The following NCOR1 variants were observed in gnomAD, a reference collection of about 807,000 sequenced individuals.
NCOR1 encodes the protein protein phosphatase 1, regulatory subunit 109.
In NCOR1, 63 loss-of-function variants were observed where a neutral mutation model predicts 288.1. That is an observed-to-expected ratio of 0.22 (90% CI 0.18 to 0.27). The LOEUF (loss-of-function observed/expected upper bound fraction) is 0.27, where lower values mean the gene tolerates loss of function less well. Ranked by LOEUF, NCOR1 falls within the 10% of genes least tolerant of loss-of-function variation. The probability of loss-of-function intolerance (pLI) is 1.00; values close to 1 mark genes in which losing one functional copy is unlikely to be tolerated. For missense variants in NCOR1, 2,397 were observed against 3,019.2 expected (o/e 0.79, Z 4.83); for synonymous variants, 1,007 against 1,065.9 (o/e 0.94, Z 1.08).
chr17:16,101,562 G>A lies in NCOR1; in HGVS notation c.2378C>T (p.Ala793Val), dbSNP rs2152996543. ...QVNDSISAET[A>V]EQMDVDQQEH... ...CTGCTGATCTACATCCATCTGCTCT[G>A]CTGTCTCAGCACTGATGCTGTCATT... Residue 793 changes from alanine (A) to valine (V), a missense_variant, in exon 20 of 46, where the codon GCA (alanine) becomes GTA (valine). Around this residue, in one of 11 missense-constraint regions of NCOR1, gnomAD observed 1,872 missense variants for 2,187.8 expected, o/e 0.86. Coordinates refer to ENST00000268712, the MANE Select transcript of NCOR1 (RefSeq NM_006311.4). 8.7e-6 allele frequency: 14 copies of A among 1,614,170 alleles called. No individual in the cohort carries two copies. The highest frequency in any genetic ancestry group is 1.1e-5 in the Non-Finnish European group (13 of 1,180,042).
chr17:16,071,328 C>T (rs1490280111), intron 30 of NCOR1, 81 bp downstream of exon 30: 2 of 1,517,858 alleles, frequency 1.3e-6, no homozygotes, highest in East Asian at 4.5e-5. Context: ...ATCATAAGAA[C>T]CACTTATAAT....
At position 16,065,357 on chromosome 17, in the gene NCOR1, G is replaced by T; in HGVS notation, c.4951+128C>A. 6 of 1,095,148 alleles carry T rather than the reference G, an allele frequency of 5.5e-6. No homozygotes were observed. In the South Asian group the frequency reaches 8.0e-5, roughly 15 times the overall value. 67.8% of individuals were successfully genotyped at this position (1,095,148 alleles called of 1,614,324 possible). On this transcript the variant is annotated intron_variant, in intron 33 of 45. Transcript: ENST00000268712. Reference sequence around the variant, plus strand: ...TGTCTCTGGGCTAAAAAGTCTACGGGAGGAAGGATATAGTATTCTTTTCTT... The same window carrying T: ...TGTCTCTGGGCTAAAAAGTCTACGGTAGGAAGGATATAGTATTCTTTTCTT...
chr17:16,083,698 G>A (rs1598361556), intron 23 of NCOR1, among the ~76,000 whole-genome samples: 2 of 152,066 alleles, frequency 1.3e-5, no homozygotes, highest in African/African-American at 4.8e-5. Context: ...TGGGGAGGCA[G>A]TGCTGAGCAG....
intron 10 of NCOR1, among the ~76,000 whole-genome samples, chr17:16,144,139 A>G (rs1022145337): frequency 1.2e-4 from 18 of 152,220 alleles, no homozygotes; most frequent in Admixed American, 6.5e-5. Flanking sequence ...AAAGAAAATT[A>G]AAGCTTTTAA....
At chr17:16,194,183 T>C (rs1009029518) in intron 2 of NCOR1, among the ~76,000 whole-genome samples, 7 of 152,138 alleles carry the variant, frequency 4.6e-5, no homozygotes, top group Non-Finnish European at 1.0e-4. Flanking sequence ...AATATAGGTC[T>C]TACCCCAGAA....
At chr17:16,055,110 CTG>C (rs1482701806) in intron 40 of NCOR1, among the ~76,000 whole-genome samples, 6 of 152,176 alleles carry the variant, frequency 3.9e-5, no homozygotes, top group African/African-American at 1.4e-4. Flanking sequence ...GTGGAAGACA[CTG>C]TGGAAATTCC....
At chr17:16,117,856 TAAGTA>T in intron 18 of NCOR1, 27 bp downstream of exon 18, 1 of 1,597,934 alleles carries the variant, frequency 6.3e-7, no homozygotes, top group Non-Finnish European at 8.5e-7. Flanking sequence ...TAAAAAACAG[TAAGTA>T]AAGAGTCACC....
chr17:16,093,633 A>C (rs2065803999), intron 21 of NCOR1, among the ~76,000 whole-genome samples: 1 of 152,208 alleles, frequency 6.6e-6, no homozygotes, highest in Non-Finnish European at 1.5e-5. Flanking sequence ...TAAGACTTCC[A>C]TAGTTTTTCC....
chr17:16,203,997 G>C (rs1474339228), intron 1 of NCOR1, among the ~76,000 whole-genome samples: 1 of 151,890 alleles, frequency 6.6e-6, no homozygotes, highest in Non-Finnish European at 1.5e-5. Flanking sequence ...ACATAGACCA[G>C]AATTGTCAAA....
chr17:16,087,080 G>T, intron 22 of NCOR1: 1 of 925,750 alleles, frequency 1.1e-6, no homozygotes, highest in Non-Finnish European at 1.5e-6. Flanking sequence ...GACACGTCCT[G>T]GAAGAGCAGT....
intron 2 of NCOR1, among the ~76,000 whole-genome samples, chr17:16,189,556 A>G (rs1454300338): frequency 6.6e-6 from 1 of 152,128 alleles, no homozygotes. Flanking sequence ...TAGAAACCAC[A>G]GGAAAAAAGT....
At chr17:16,070,563 C>A in intron 30 of NCOR1, 38 bp from the exon 31 acceptor site, 2 of 1,588,590 alleles carry the variant, frequency 1.3e-6, no homozygotes, top group South Asian at 2.3e-5. Context: ...GTAGCAAAGT[C>A]ATCTGGCTAC....
chr17:16,122,025 C>T (rs2073116070), intron 15 of NCOR1, among the ~76,000 whole-genome samples: 1 of 152,178 alleles, frequency 6.6e-6, no homozygotes, highest in South Asian at 2.1e-4. Flanking sequence ...GTACCCAGAA[C>T]AGTGCCTGGA....
In NCOR1 at chr17:16,065,528, G is replaced by A. The variant is rs2152677460; in HGVS notation, c.4908C>T (p.Ser1636=). The A allele has an allele frequency of 1.9e-6, 3 of 1,614,192 alleles. No individual in the cohort carries two copies. The highest frequency in any genetic ancestry group is 2.5e-6 in the Non-Finnish European group (3 of 1,180,034). Residue 1636 remains serine (S), a synonymous_variant, in exon 33 of 46, where the codon TCC becomes TCT. Coordinates refer to ENST00000268712, the MANE Select transcript of NCOR1 (RefSeq NM_006311.4). ...GGAGACCCAGTGGCTGCTCTCTTGG[G>A]GAGAGTCCTCTGGCCACATCTGGAC... ...NLRPDVARGL[S]PREQPLGLPY...
At chr17:16,213,009 C>T (rs1393654263) in intron 1 of NCOR1, among the ~76,000 whole-genome samples, 1 of 145,866 alleles carries the variant, frequency 6.9e-6, no homozygotes, top group Non-Finnish European at 1.5e-5. Context: ...GAGGTCAAGG[C>T]TGCAGCGAGC....
chr17:16,077,801 T>C (rs774871920), intron 26 of NCOR1, among the ~76,000 whole-genome samples: 2 of 152,184 alleles, frequency 1.3e-5, no homozygotes, highest in Non-Finnish European at 2.9e-5. Flanking sequence ...AGCCTAGTTA[T>C]AATGATTTAA....
chr17:16,161,161 T>C (rs545753015), intron 5 of NCOR1, among the ~76,000 whole-genome samples: 2 of 152,158 alleles, frequency 1.3e-5, no homozygotes, highest in East Asian at 1.9e-4. Context: ...AATCACACTT[T>C]GTTCTTAGTA....
rs530685209 is a variant in NCOR1 at position 16,038,883 on chromosome 17, G to A, written c.6955+550C>T. Among the ~76,000 whole-genome samples, 3 of 152,256 alleles carry A rather than the reference G, an allele frequency of 2.0e-5. No individual in the cohort carries two copies. In the South Asian group the frequency reaches 6.2e-4, roughly 32 times the overall value. ...CCTCTCGGGTTCAAGCAATTCTCCT[G>A]CCTCAGCCTCCTGAGTACCTGGGAT... On this transcript the variant is annotated intron_variant, in intron 44 of 45. Coordinates refer to ENST00000268712, the MANE Select transcript of NCOR1 (RefSeq NM_006311.4).
chr17:16,163,696 G>C, intron 5 of NCOR1, among the ~76,000 whole-genome samples: 1 of 152,018 alleles, frequency 6.6e-6, no homozygotes, highest in South Asian at 2.1e-4. Flanking sequence ...ACAAAAACGA[G>C]TACATGAATC....
Sources: allele counts gnomAD v4.1 joint callset (sites outside exome capture counted in the v4.1 genomes callset), GRCh38; gene constraint gnomAD v4.1.1; regional missense constraint gnomAD v4.1.1; transcripts MANE v1.5; gene names NCBI Gene and HGNC (gene_info 2026-07-23, HGNC 2026-07-21).